The following NIPSNAP1 variants were observed in gnomAD, a reference collection of about 807,000 sequenced individuals.
NIPSNAP1 encodes the protein nipsnap homolog 1.
In NIPSNAP1, 25 loss-of-function variants were observed where a neutral mutation model predicts 49.2. The ratio of observed to expected loss-of-function variants is 0.51; its 90% CI spans 0.37 to 0.71. The LOEUF is 0.71. Ranked by LOEUF, NIPSNAP1 falls within the 30% of genes least tolerant of loss-of-function variation. The pLI is 0.00. For synonymous variants in NIPSNAP1, 143 were observed against 140.7 expected, an observed-to-expected ratio of 1.02 and a Z score of -0.12; for missense variants, 294 against 361.0, an observed-to-expected ratio of 0.81 and a Z score of 1.50.
At chr22:29,580,119 G>C in intron 1 of NIPSNAP1, 1 of 1,304,178 alleles carries the variant, frequency 7.7e-7, no homozygotes, top group Non-Finnish European at 1.0e-6. Flanking sequence ...AATATTCCTT[G>C]ACCATACACA....
rs377209759 is a variant in NIPSNAP1, at chr22:29,561,122, G to C, written c.611+49C>G. On this transcript the variant is annotated intron_variant, in intron 7 of 9. Coordinates refer to ENST00000216121, the MANE Select transcript of NIPSNAP1 (RefSeq NM_003634.4). ...CCCACCAGGGGCCTTGGTGGGGCAGGTGAGCAGGGTACGCCTCCCCCAACC... is the reference window on the plus strand; with the variant it reads ...CCCACCAGGGGCCTTGGTGGGGCAGCTGAGCAGGGTACGCCTCCCCCAACC... 2.3e-5 allele frequency: 36 copies of C among 1,573,912 alleles called. No individual in the cohort carries two copies. In the African/African-American group the frequency reaches 4.4e-4, roughly 19 times the overall value.
At chr22:29,571,548 C>G (rs1428966975) in intron 1 of NIPSNAP1, among the ~76,000 whole-genome samples, 1 of 152,116 alleles carries the variant, frequency 6.6e-6, no homozygotes, top group Non-Finnish European at 1.5e-5. Context: ...AAGGTCCCAG[C>G]AGGAGGCAGG....
At chr22:29,577,835 C>T (rs577176780) in intron 1 of NIPSNAP1, among the ~76,000 whole-genome samples, 1 of 149,758 alleles carries the variant, frequency 6.7e-6, no homozygotes, top group Non-Finnish European at 1.5e-5. Flanking sequence ...CCAGTTCAAG[C>T]GATTCTCCTG....
chr22:29,570,171 T>A lies in NIPSNAP1; in HGVS notation c.263A>T (p.Asn88Ile), dbSNP rs1184296932. 1 of 1,613,936 alleles carries A rather than the reference T, an allele frequency of 6.2e-7. No homozygotes were observed. The highest frequency in any genetic ancestry group is 8.5e-7 in the Non-Finnish European group (1 of 1,179,976). ...GATGCAGGGTGCTCACGTGAGGCTG[T>A]TGTAGGCATCCAGGTATTCAGGCTT... is the stretch of plus-strand genomic sequence containing the variant. ...NVKPEYLDAY[N>I]SLTEAVLPKL... is the part of the protein sequence containing the mutation. Residue 88 changes from asparagine to isoleucine, a missense_variant, in exon 3 of 10, where the codon AAC (asparagine) becomes ATC (isoleucine). Asn to Ile is a moderately radical substitution (Grantham distance 149). Around this residue, in one of 4 missense-constraint regions of NIPSNAP1, gnomAD observed 55 missense variants for 46.2 expected, o/e 1.19. Coordinates refer to ENST00000216121, the MANE Select transcript of NIPSNAP1 (RefSeq NM_003634.4).
At chr22:29,578,208 G>A (rs2064469638) in intron 1 of NIPSNAP1, among the ~76,000 whole-genome samples, 1 of 150,812 alleles carries the variant, frequency 6.6e-6, no homozygotes, top group Non-Finnish European at 1.5e-5. Flanking sequence ...GCTAATTTTT[G>A]TGTTTTTAGT....
At chr22:29,566,255 C>T (rs762347679) in intron 4 of NIPSNAP1, among the ~76,000 whole-genome samples, 1 of 151,964 alleles carries the variant, frequency 6.6e-6, no homozygotes, top group Non-Finnish European at 1.5e-5. Context: ...TTCCTCCCAC[C>T]TCAGCCTCCT....
chr22:29,558,105 CA>C (rs1000616784), intron 9 of NIPSNAP1, among the ~76,000 whole-genome samples: 3 of 152,144 alleles, frequency 2.0e-5, no homozygotes, highest in Non-Finnish European at 4.4e-5. Flanking sequence ...TCTACAAAAA[CA>C]AAAACCTTAT....
chr22:29,563,521 C>T (rs575088096), intron 4 of NIPSNAP1, among the ~76,000 whole-genome samples: 10 of 151,788 alleles, frequency 6.6e-5, no homozygotes, highest in Non-Finnish European at 1.3e-4. Context: ...AGCAAGACTC[C>T]GTCTCAAAAA....
chr22:29,572,890 G>A (rs2064421121), intron 1 of NIPSNAP1, among the ~76,000 whole-genome samples: 1 of 151,870 alleles, frequency 6.6e-6, no homozygotes, highest in Non-Finnish European at 1.5e-5. Flanking sequence ...GACTTAGGAG[G>A]ATCGCATGAA....
At chr22:29,573,768 C>CAAAAAAAAAAAAAAA in intron 1 of NIPSNAP1, among the ~76,000 whole-genome samples, 1 of 125,108 alleles carries the variant, frequency 8.0e-6, no homozygotes, top group Non-Finnish European at 1.7e-5. Context: ...AACTCTGTCT[C>CAAAAAAAAAAAAAAA]AAAAAAAAAA....
At chr22:29,568,178 CAAAAA>C (rs33974680) in intron 4 of NIPSNAP1, among the ~76,000 whole-genome samples, 3 of 40,626 alleles carry the variant, frequency 7.4e-5, no homozygotes, top group Non-Finnish European at 4.0e-5. Flanking sequence ...GACCCTGTCT[CAAAAA>C]AAAAAAAAAA....
At chr22:29,580,253 A>C in intron 1 of NIPSNAP1, 21 of 1,289,424 alleles carry the variant, frequency 1.6e-5, no homozygotes, top group Non-Finnish European at 1.9e-5. Context: ...AGATGGGGGA[A>C]GTACAGGGCT....
chr22:29,560,191 AC>A (rs1315701759), intron 8 of NIPSNAP1, among the ~76,000 whole-genome samples: 26 of 150,144 alleles, frequency 1.7e-4, no homozygotes, highest in African/African-American at 6.4e-4. Flanking sequence ...TTATTTGTCT[AC>A]CTAGACCAAT....
chr22:29,556,037 A>T (rs1410648610), intron 9 of NIPSNAP1, 38 bp from the exon 10 acceptor site: 2 of 1,541,642 alleles, frequency 1.3e-6, no homozygotes, highest in Non-Finnish European at 8.8e-7. Context: ...CAGGGGGCTC[A>T]AGCAAGCCAA....
intron 1 of NIPSNAP1, among the ~76,000 whole-genome samples, chr22:29,571,970 C>T (rs1207570122): frequency 1.3e-5 from 2 of 151,962 alleles, no homozygotes; most frequent in African/African-American, 4.8e-5. Context: ...TACAAATACT[C>T]GGCTGCCCTA....
At chr22:29,568,755 G>A (rs2064385860) in intron 4 of NIPSNAP1, among the ~76,000 whole-genome samples, 1 of 152,094 alleles carries the variant, frequency 6.6e-6, no homozygotes, top group Non-Finnish European at 1.5e-5. Flanking sequence ...TTGCACTACT[G>A]CACTCCAGCC....
intron 4 of NIPSNAP1, among the ~76,000 whole-genome samples, chr22:29,567,614 A>T (rs997310842): frequency 2.0e-5 from 3 of 152,096 alleles, no homozygotes; most frequent in Non-Finnish European, 2.9e-5. Flanking sequence ...GCACTTTGGG[A>T]GGCCAAAGTG....
At position 29,572,805 on chromosome 22, in the gene NIPSNAP1, AT is replaced by A. The variant is rs2146614182; in HGVS notation, c.99-2274del. 1.4e-5 allele frequency among the ~76,000 whole-genome samples: 2 copies of A among 143,074 alleles called. 1 individual carries two copies. The highest frequency in any genetic ancestry group is 4.5e-4 in the South Asian group (2 of 4,448). The allele number at this position is 143,074 out of a possible 152,430, so 93.9% of individuals were successfully genotyped here. On this transcript the variant is annotated intron_variant, in intron 1 of 9. Transcript: ENST00000216121. The stretch of plus-strand genomic sequence containing the variant: ...CAGAGTGAGACTCTATCTCAAAAAA[AT>A]AAAATAAAATAAAATAAAATACAAT...
In NIPSNAP1 at chr22:29,560,787, A is replaced by G. The variant is rs1216557225; in HGVS notation, c.653T>C (p.Val218Ala). The G allele has an allele frequency of 1.9e-6, 3 of 1,613,966 alleles. No homozygotes were observed. The highest frequency in any genetic ancestry group is 1.3e-5 in the African/African-American group (1 of 74,910). The change falls in exon 8 of 10, where the codon GTG becomes GCG. Residue 218 changes from valine (V) to alanine (A), a missense_variant. Val to Ala is a moderately conservative substitution (Grantham distance 64). Around this residue, in one of 4 missense-constraint regions of NIPSNAP1, gnomAD observed 146 missense variants for 219.9 expected, o/e 0.66. Coordinates refer to ENST00000216121, the MANE Select transcript of NIPSNAP1 (RefSeq NM_003634.4). ...IKYRQENQEA[V>A]GGFFSQIGEL... ...TCCTATCTGTGAGAAGAAGCCGCCC[A>G]CTGCCTCCTGGTTCTCCTGCCGGTA...
Sources: allele counts gnomAD v4.1 joint callset (sites outside exome capture counted in the v4.1 genomes callset), GRCh38; gene constraint gnomAD v4.1.1; regional missense constraint gnomAD v4.1.1; transcripts MANE v1.5; gene names NCBI Gene and HGNC (gene_info 2026-07-23, HGNC 2026-07-21).